The following LIMD1 variants were observed in gnomAD, a reference collection of about 807,000 sequenced individuals.
LIMD1 encodes LIM domain containing 1.
Under a neutral mutation model 58.4 loss-of-function variants are expected in LIMD1, and 23 were observed. The ratio of observed to expected loss-of-function variants is 0.39; its 90% CI spans 0.28 to 0.56. The LOEUF (loss-of-function observed/expected upper bound fraction) is 0.56, where lower values mean the gene tolerates loss of function less well. LIMD1 is among the 20% of genes least tolerant of loss of function. The probability of loss-of-function intolerance (pLI) is 0.57; values close to 1 mark genes in which losing one functional copy is unlikely to be tolerated. For synonymous variants in LIMD1, 334 were observed against 345.5 expected (o/e 0.97, Z 0.37); for missense variants, 838 against 855.5 (o/e 0.98, Z 0.25).
intron 1 of LIMD1, among the ~76,000 whole-genome samples, chr3:45,609,405 G>T: frequency 6.6e-6 from 1 of 152,182 alleles, no homozygotes; most frequent in East Asian, 1.9e-4. Flanking sequence ...ATTCATAGGT[G>T]TGATCATAGT....
chr3:45,618,810 C>T (rs1191073482), intron 1 of LIMD1, among the ~76,000 whole-genome samples: 1 of 152,120 alleles, frequency 6.6e-6, no homozygotes, highest in Non-Finnish European at 1.5e-5. Context: ...AGTTCCACTG[C>T]AGGAGGGAGG....
intron 2 of LIMD1, among the ~76,000 whole-genome samples, chr3:45,652,148 A>G (rs145581602): frequency 0.037 from 5,648 of 152,106 alleles, 114 homozygotes; most frequent in African/African-American, 0.053. Flanking sequence ...GCTGATCTCA[A>G]ACTCCTGTCC....
chr3:45,659,105 C>G (rs1468820309), intron 2 of LIMD1, among the ~76,000 whole-genome samples: 1 of 151,944 alleles, frequency 6.6e-6, no homozygotes, highest in Admixed American at 6.6e-5. Flanking sequence ...CTCTCTAATA[C>G]CATCTGTCAC....
At position 45,638,291 on chromosome 3, in the gene LIMD1, G is replaced by T. The variant is rs150126888; in HGVS notation, c.1510+2040G>T. Among the ~76,000 whole-genome samples, 1,053 of 152,136 alleles carry T rather than the reference G, an allele frequency of 6.9e-3. 6 individuals are homozygous for T. Among genetic ancestry groups the T allele is most frequent in the African/African-American group, 0.024 (988 of 41,496 alleles). Reference sequence around the variant, plus strand: ...AGGCCCCCCTTTATTTATTTATTTAGTTAGTTAAATTTTAATTTTAGTTTT... The same window carrying T: ...AGGCCCCCCTTTATTTATTTATTTATTTAGTTAAATTTTAATTTTAGTTTT... On this transcript the variant is annotated intron_variant, in intron 2 of 7. Transcript: ENST00000273317.
At chr3:45,660,230 G>T (rs1305741521) in intron 2 of LIMD1, among the ~76,000 whole-genome samples, 2 of 151,972 alleles carry the variant, frequency 1.3e-5, no homozygotes, top group Non-Finnish European at 2.9e-5. Context: ...GGCCCCATCC[G>T]CAACTGCAGC....
chr3:45,594,854 GCTAGGCCCGGA>G lies in LIMD1; in HGVS notation c.-24_-14del. On this transcript the variant is annotated 5_prime_UTR_variant, in exon 1 of 8. Coordinates refer to ENST00000273317, the MANE Select transcript of LIMD1 (RefSeq NM_014240.3). ...ACACACACACACACACGGCACCTGG[GCTAGGCCCGGA>G]CACCTGTCTGCAGCATGGATAAGTA... 1 of 1,482,170 alleles carries G rather than the reference GCTAGGCCCGGA, an allele frequency of 6.7e-7. No individual in the cohort carries two copies. The highest frequency in any genetic ancestry group is 9.1e-7 in the Non-Finnish European group (1 of 1,102,234). The allele number at this position is 1,482,170 out of a possible 1,614,324, so 91.8% of individuals were successfully genotyped here. A position where few individuals can be genotyped will look rare whatever the true frequency, so the allele number is the denominator to read the frequency against.
chr3:45,658,909 A>T (rs980657130), intron 2 of LIMD1, among the ~76,000 whole-genome samples: 3 of 152,080 alleles, frequency 2.0e-5, no homozygotes, highest in Admixed American at 6.5e-5. Flanking sequence ...TCATGGGCAG[A>T]TTTCCTTTCC....
intron 3 of LIMD1, among the ~76,000 whole-genome samples, chr3:45,666,517 C>G (rs117602564): frequency 6.6e-6 from 1 of 152,100 alleles, no homozygotes; most frequent in Non-Finnish European, 1.5e-5. Context: ...CAACCTCATG[C>G]CTTCGTGCCT....
rs139962377 is a variant in LIMD1, at chr3:45,655,121, T to C, written c.1511-10529T>C. ...TTTTAGTAGAGATGGGGTTTCACCC[T>C]GTTGGCCAAGCTGGTGTCGAACTCC... On this transcript the variant is annotated intron_variant, in intron 2 of 7. Transcript: ENST00000273317. 4.7e-3 allele frequency among the ~76,000 whole-genome samples: 715 copies of C among 152,178 alleles called. 1 individual carries two copies. Among genetic ancestry groups the C allele is most frequent in the African/African-American group, 0.016 (673 of 41,530 alleles).
In LIMD1 at chr3:45,636,105, C is replaced by T. The variant is rs1396745117; in HGVS notation, c.1409-45C>T. The stretch of plus-strand genomic sequence containing the variant: ...ATTGGCTTTTTTATGACTCAGTTTA[C>T]ACTGGTTCCCTCCTGACTCACTGAT... On this transcript the variant is annotated intron_variant, in intron 1 of 7. Coordinates refer to ENST00000273317, the MANE Select transcript of LIMD1 (RefSeq NM_014240.3). 13 of 1,608,710 alleles carry T rather than the reference C, an allele frequency of 8.1e-6. No individual in the cohort carries two copies. In the African/African-American group the frequency reaches 1.3e-4, roughly 17 times the overall value.
At chr3:45,645,969 G>A (rs866646735) in intron 2 of LIMD1, among the ~76,000 whole-genome samples, 20 of 150,826 alleles carry the variant, frequency 1.3e-4, no homozygotes, top group African/African-American at 4.2e-4. Context: ...TGCATTTATT[G>A]CAGTGAGCCG....
chr3:45,595,188 C>T lies in LIMD1; in HGVS notation c.309C>T (p.Ala103=). Residue 103 remains alanine (A), a synonymous_variant, in exon 1 of 8, where the codon GCC becomes GCT. Transcript: ENST00000273317. ...GCAAGCTGACTGTGGATGGTGCTGC[C>T]AAGCCTCCTCTTGCTGCCTCGACAG... ...VGSKLTVDGA[A]KPPLAASTGA... is the part of the protein sequence containing the mutation. 6.2e-7 allele frequency: 1 copy of T among 1,602,804 alleles called. No individual in the cohort carries two copies. The highest frequency in any genetic ancestry group is 8.5e-7 in the Non-Finnish European group (1 of 1,174,626).
chr3:45,660,532 C>T (rs958057121), intron 2 of LIMD1, among the ~76,000 whole-genome samples: 2 of 151,732 alleles, frequency 1.3e-5, no homozygotes, highest in African/African-American at 4.8e-5. Context: ...TCTCCTACCG[C>T]GGCCTCCCAA....
Position 45,673,449 on chromosome 3 carries a change from C to A in LIMD1, c.1773-5C>A. 1.2e-6 allele frequency: 2 copies of A among 1,613,662 alleles called. No individual in the cohort carries two copies. Among genetic ancestry groups the A allele is most frequent in the Non-Finnish European group, 1.7e-6 (2 of 1,179,612 alleles). The stretch of plus-strand genomic sequence containing the variant: ...CATTTATTGCTGCTTTGTTTCTCCC[C>A]ACAGGGTGCTGGCCCCCAAGTGTGC... On this transcript the variant is annotated splice_polypyrimidine_tract_variant and splice_region_variant and intron_variant, in intron 5 of 7. Transcript: ENST00000273317.
chr3:45,644,625 T>A lies in LIMD1; in HGVS notation c.1510+8374T>A, dbSNP rs772294919. 8.5e-4 allele frequency among the ~76,000 whole-genome samples: 129 copies of A among 152,330 alleles called. 1 individual carries two copies. The highest frequency in any genetic ancestry group is 1.5e-3 in the Non-Finnish European group (100 of 68,028). On this transcript the variant is annotated intron_variant, in intron 2 of 7. Coordinates refer to ENST00000273317, the MANE Select transcript of LIMD1 (RefSeq NM_014240.3). The stretch of plus-strand genomic sequence containing the variant: ...AGATTGAGGCTTGGAGAGTTTAGTT[T>A]GTGGTTGGTTTCGTCACTGTTAAGT...
intron 1 of LIMD1, among the ~76,000 whole-genome samples, chr3:45,625,261 G>A (rs1219325997): frequency 6.6e-6 from 1 of 152,052 alleles, no homozygotes; most frequent in Non-Finnish European, 1.5e-5. Context: ...AACCACTGTT[G>A]TGCACAGAGA....
At chr3:45,652,543 G>A (rs577495109) in intron 2 of LIMD1, among the ~76,000 whole-genome samples, 181 of 152,156 alleles carry the variant, frequency 1.2e-3, no homozygotes, top group Admixed American at 3.0e-3. Context: ...AATCTTCTGA[G>A]CATTGTTCTG....
At position 45,679,968 on chromosome 3, in the gene LIMD1, C is replaced by CTGAGTCCTCTGAGGTTCTGCTGT. The variant is rs1697718979; in HGVS notation, c.*2918_*2940dup. ...GTGCTCGAGTGAAAACCTCTTTCAG[C>CTGAGTCCTCTGAGGTTCTGCTGT]TGAGTCCTCTGAGGTTCTGCTGTTG... On this transcript the variant is annotated 3_prime_UTR_variant, in exon 8 of 8. Transcript: ENST00000273317. 6.6e-6 allele frequency: 1 copy of CTGAGTCCTCTGAGGTTCTGCTGT among 152,198 alleles called. No individual in the cohort carries two copies. The highest frequency in any genetic ancestry group is 2.4e-5 in the African/African-American group (1 of 41,450). 9.4% of individuals were successfully genotyped at this position (152,198 alleles called of 1,614,324 possible). A position where few individuals can be genotyped will look rare whatever the true frequency, so the allele number is the denominator to read the frequency against.
rs753915272 is a variant in LIMD1 at position 45,682,610 on chromosome 3, A to G, written c.*5551A>G. On this transcript the variant is annotated 3_prime_UTR_variant, in exon 8 of 8. Transcript: ENST00000273317. ...TTATTCCAAGGACTGTATGTTCTTTATCATCCCTCATTTGATAGACAAGAC... is the reference window on the plus strand; with the variant it reads ...TTATTCCAAGGACTGTATGTTCTTTGTCATCCCTCATTTGATAGACAAGAC... 6 of 152,232 alleles carry G rather than the reference A, an allele frequency of 3.9e-5. No homozygotes were observed. The highest frequency in any genetic ancestry group is 7.3e-5 in the Non-Finnish European group (5 of 68,054). 9.4% of individuals were successfully genotyped at this position (152,232 alleles called of 1,614,324 possible).
Sources: gnomAD v4.1 joint callset for allele counts (sites outside exome capture counted in the v4.1 genomes callset) on GRCh38, gnomAD v4.1.1 for gene constraint, MANE v1.5 for transcripts, NCBI Gene and HGNC (gene_info 2026-07-23, HGNC 2026-07-21) for gene names.